RAD51AP1: variants seen among roughly 807,000 people sequenced by gnomAD.
RAD51AP1 encodes RAD51-associated protein 1.
A neutral mutation model predicts 34.3 loss-of-function variants in RAD51AP1; 14 were observed. The ratio of observed to expected loss-of-function variants is 0.41; its 90% CI spans 0.27 to 0.64. The LOEUF is 0.64. RAD51AP1 is among the 30% of genes least tolerant of loss of function. The probability of loss-of-function intolerance (pLI) is 0.33; values close to 1 mark genes in which losing one functional copy is unlikely to be tolerated. For missense variants in RAD51AP1, 348 were observed against 386.9 expected, an observed-to-expected ratio of 0.90 and a Z score of 0.84; for synonymous variants, 114 against 129.8, an observed-to-expected ratio of 0.88 and a Z score of 0.83.
chr12:4,546,918 G>A (rs1666006566), intron 4 of RAD51AP1, among the ~76,000 whole-genome samples: 1 of 152,134 alleles, frequency 6.6e-6, no homozygotes, highest in Non-Finnish European at 1.5e-5. Context: ...ATTCTAGAGA[G>A]GCAGAAATCA....
chr12:4,553,148 G>A lies in RAD51AP1; in HGVS notation c.721+1G>A. 1 of 1,556,674 alleles carries A rather than the reference G, an allele frequency of 6.4e-7. No individual in the cohort carries two copies. The highest frequency in any genetic ancestry group is 8.6e-7 in the Non-Finnish European group (1 of 1,156,218). On this transcript the variant is annotated splice_donor_variant, in intron 7 of 8. Transcript: ENST00000352618. LOFTEE classifies it high-confidence loss of function. Reference sequence around the variant, plus strand: ...TCTAAATCCAAATGTAATGCTTTGGGTAAGCTTGGTCCAAAACACTTAATT... The same window carrying A: ...TCTAAATCCAAATGTAATGCTTTGGATAAGCTTGGTCCAAAACACTTAATT...
At chr12:4,553,331 G>T in intron 7 of RAD51AP1, 184 bp downstream of exon 7, 1 of 449,950 alleles carries the variant, frequency 2.2e-6, no homozygotes, top group South Asian at 2.6e-5. Context: ...ACTCCACTAC[G>T]TATGCTAGCA....
chr12:4,553,263 T>G, intron 7 of RAD51AP1, 116 bp downstream of exon 7: 1 of 917,732 alleles, frequency 1.1e-6, no homozygotes, highest in Non-Finnish European at 1.5e-6. Flanking sequence ...CCATTTCTTG[T>G]TAAAATATGT....
chr12:4,544,786 C>A (rs1039520128), intron 3 of RAD51AP1, among the ~76,000 whole-genome samples: 2 of 152,122 alleles, frequency 1.3e-5, no homozygotes. Flanking sequence ...TTTCAATAGA[C>A]TTTCTCCAGA....
chr12:4,558,453 T>C (rs1357350926), intron 8 of RAD51AP1, among the ~76,000 whole-genome samples: 1 of 152,248 alleles, frequency 6.6e-6, no homozygotes, highest in African/African-American at 2.4e-5. Flanking sequence ...TTGCCATTTT[T>C]AAAGGTATTT....
intron 7 of RAD51AP1, among the ~76,000 whole-genome samples, chr12:4,554,727 A>G (rs1320769761): frequency 6.6e-6 from 1 of 152,222 alleles, no homozygotes; most frequent in Admixed American, 6.5e-5. Context: ...GAATTAGGAA[A>G]AATGGATTAT....
At position 4,559,055 on chromosome 12, in the gene RAD51AP1, G is replaced by C; in HGVS notation, c.*62G>C. 1 of 1,562,500 alleles carries C rather than the reference G, an allele frequency of 6.4e-7. No homozygotes were observed. Among genetic ancestry groups the C allele is most frequent in the Non-Finnish European group, 8.7e-7 (1 of 1,143,950 alleles). On this transcript the variant is annotated 3_prime_UTR_variant, in exon 9 of 9. Coordinates refer to ENST00000352618, the MANE Select transcript of RAD51AP1 (RefSeq NM_006479.5). Reference sequence around the variant, plus strand: ...CAGCTTTACAAGGGTGTTTATATTTGATTTGTGTTTATATTTGAGGCAGGT... The same window carrying C: ...CAGCTTTACAAGGGTGTTTATATTTCATTTGTGTTTATATTTGAGGCAGGT...
chr12:4,547,220 G>A (rs1184375565), intron 4 of RAD51AP1, among the ~76,000 whole-genome samples: 8 of 151,750 alleles, frequency 5.3e-5, no homozygotes, highest in African/African-American at 1.5e-4. Context: ...GGCATGTGCC[G>A]CCATGCCTGG....
At chr12:4,539,443 T>C (rs1944438430) in intron 1 of RAD51AP1, among the ~76,000 whole-genome samples, 2 of 152,210 alleles carry the variant, frequency 1.3e-5, no homozygotes, top group Non-Finnish European at 2.9e-5. Context: ...ACGATTCTTC[T>C]ATTTACACAG....
intron 4 of RAD51AP1, among the ~76,000 whole-genome samples, 197 bp downstream of exon 4, chr12:4,546,615 T>C (rs1033062883): frequency 2.0e-5 from 3 of 152,204 alleles, no homozygotes; most frequent in Non-Finnish European, 4.4e-5. Context: ...CATACATCTC[T>C]GCTTAACACC....
rs1565526873 is a variant in RAD51AP1 at position 4,553,089 on chromosome 12, G to A, written c.663G>A (p.Lys221=). The A allele has an allele frequency of 1.9e-6, 3 of 1,604,146 alleles. No homozygotes were observed. The highest frequency in any genetic ancestry group is 2.2e-5 in the South Asian group (2 of 89,280). Reference sequence around the variant, plus strand: ...AAGAAATTAAAAAGAAAGAAGTGAAGGTAAAATCCCCAGTAGAAAAGAAAG... The same window carrying A: ...AAGAAATTAAAAAGAAAGAAGTGAAAGTAAAATCCCCAGTAGAAAAGAAAG... The part of the protein sequence containing the change: ...KVKEIKKKEV[K]VKSPVEKKEK... The change falls in exon 7 of 9, where the codon AAG becomes AAA. Residue 221 remains lysine (K), a synonymous_variant. Coordinates refer to ENST00000352618, the MANE Select transcript of RAD51AP1 (RefSeq NM_006479.5).
At position 4,556,492 on chromosome 12, in the gene RAD51AP1, G is replaced by T; in HGVS notation, c.861G>T (p.Trp287Cys). 1 of 1,613,382 alleles carries T rather than the reference G, an allele frequency of 6.2e-7. No individual in the cohort carries two copies. Among genetic ancestry groups the T allele is most frequent in the Non-Finnish European group, 8.5e-7 (1 of 1,179,542 alleles). Reference sequence around the variant, plus strand: ...CAGCTGAAAGCAAGAAACCTAAATGGGTCCCACCAGGTATGGCATATTTAT... The same window carrying T: ...CAGCTGAAAGCAAGAAACCTAAATGTGTCCCACCAGGTATGGCATATTTAT... ...SPSAESKKPKWVPPAASGGSR... is the reference protein window; with the variant it reads ...SPSAESKKPKCVPPAASGGSR... Residue 287 changes from tryptophan to cysteine, a missense_variant, in exon 8 of 9, where the codon TGG (tryptophan) becomes TGT (cysteine). Trp to Cys is a radical substitution (Grantham distance 215). Coordinates refer to ENST00000352618, the MANE Select transcript of RAD51AP1 (RefSeq NM_006479.5).
In RAD51AP1 at chr12:4,538,972, C is replaced by G. The variant is rs762088587; in HGVS notation, c.17+16C>G. The G allele has an allele frequency of 1.2e-6, 2 of 1,613,336 alleles. No individual in the cohort carries two copies. Among genetic ancestry groups the G allele is most frequent in the South Asian group, 2.2e-5 (2 of 91,056 alleles). ...GGCCTGTGAGGTGGGTAGTTCCTGACATTCGTCGGGGGTGGGAGGAAAACT... is the reference window on the plus strand; with the variant it reads ...GGCCTGTGAGGTGGGTAGTTCCTGAGATTCGTCGGGGGTGGGAGGAAAACT... On this transcript the variant is annotated intron_variant, in intron 1 of 8. Coordinates refer to ENST00000352618, the MANE Select transcript of RAD51AP1 (RefSeq NM_006479.5).
chr12:4,546,780 A>T (rs1944509550), intron 4 of RAD51AP1, among the ~76,000 whole-genome samples: 1 of 152,184 alleles, frequency 6.6e-6, no homozygotes, highest in Non-Finnish European at 1.5e-5. Context: ...TACCCTAATT[A>T]TGGTAATTTT....
chr12:4,545,853 T>G (rs1361988430), intron 3 of RAD51AP1: 1 of 1,607,538 alleles, frequency 6.2e-7, no homozygotes, highest in Non-Finnish European at 8.5e-7. Context: ...GGTAAAATAT[T>G]TGTTAAAGTC....
At chr12:4,542,797 G>C (rs536638535) in intron 2 of RAD51AP1, among the ~76,000 whole-genome samples, 1 of 152,278 alleles carries the variant, frequency 6.6e-6, no homozygotes, top group Non-Finnish European at 1.5e-5. Flanking sequence ...GTAGTTTTAC[G>C]TTGACAGTCA....
At chr12:4,558,231 C>G (rs1944596070) in intron 8 of RAD51AP1, among the ~76,000 whole-genome samples, 1 of 151,984 alleles carries the variant, frequency 6.6e-6, no homozygotes. Context: ...TATTTTATAC[C>G]TTTCAAACTA....
chr12:4,539,070 G>A, intron 1 of RAD51AP1, 114 bp downstream of exon 1: 2 of 1,207,408 alleles, frequency 1.7e-6, no homozygotes, highest in Admixed American at 4.0e-5. Flanking sequence ...GGTTAGGATG[G>A]ACGGTTATCA....
intron 6 of RAD51AP1, among the ~76,000 whole-genome samples, chr12:4,549,457 A>G (rs1446336332): frequency 6.6e-6 from 1 of 152,214 alleles, no homozygotes; most frequent in African/African-American, 2.4e-5. Flanking sequence ...CTATCAACAA[A>G]CAATAACAGA....
Sources: allele counts gnomAD v4.1 joint callset (sites outside exome capture counted in the v4.1 genomes callset), GRCh38; gene constraint gnomAD v4.1.1; transcripts MANE v1.5; gene names NCBI Gene and HGNC (gene_info 2026-07-23, HGNC 2026-07-21).